Variants in HPSE2 observed in about 807,000 individuals in gnomAD.
HPSE2 encodes the protein inactive heparanase-2.
Under a neutral mutation model 60.5 loss-of-function variants are expected in HPSE2, and 38 were observed. The observed-to-expected ratio is 0.63, with a 90% CI of 0.48 to 0.82. The LOEUF is 0.82. Among genes scored for constraint, HPSE2 ranks in the 40% least tolerant of loss-of-function variants. The pLI is 0.00. For missense variants in HPSE2, 713 were observed against 740.4 expected (o/e 0.96, Z 0.43); for synonymous variants, 295 against 293.2 (o/e 1.01, Z -0.06).
At chr10:98,616,413 GA>G (rs1352073997) in intron 8 of HPSE2, among the ~76,000 whole-genome samples, 2 of 152,056 alleles carry the variant, frequency 1.3e-5, no homozygotes, top group Admixed American at 6.6e-5. Context: ...TAGATTCTCG[GA>G]ACTTTGAGAA....
At chr10:98,581,042 G>A in intron 9 of HPSE2, among the ~76,000 whole-genome samples, 1 of 151,332 alleles carries the variant, frequency 6.6e-6, no homozygotes. Context: ...CTGGGTTCAA[G>A]TGATTTTCTT....
intron 7 of HPSE2, among the ~76,000 whole-genome samples, chr10:98,634,262 C>T (rs1359286253): frequency 6.6e-6 from 1 of 152,208 alleles, no homozygotes; most frequent in East Asian, 1.9e-4. Context: ...GCATCCTTCC[C>T]TCCAACATGT....
At chr10:99,259,974 T>C in the HPSE2 span, among the ~76,000 whole-genome samples, 1 of 152,124 alleles carries the variant, frequency 6.6e-6, no homozygotes, top group Non-Finnish European at 1.5e-5. Flanking sequence ...CCTTCCCCCG[T>C]AGAAAAACTG....
At position 98,937,837 on chromosome 10, in the gene HPSE2, C is replaced by A. The variant is rs533826989; in HGVS notation, c.611-193781G>T. Among the ~76,000 whole-genome samples, 20 of 143,254 alleles carry A rather than the reference C, an allele frequency of 1.4e-4. No individual in the cohort carries two copies. In the South Asian group the frequency reaches 4.0e-3, roughly 29 times the overall value. The allele number at this position is 143,254 out of a possible 152,430, so 94.0% of individuals were successfully genotyped here. ...CAAGCAGCCTAACTGGGAGGCACCC[C>A]CCAGTAGGGGCAGACTGACACCTCA... is the stretch of plus-strand genomic sequence containing the variant. On this transcript the variant is annotated intron_variant, in intron 3 of 11. Coordinates refer to ENST00000370552, the MANE Select transcript of HPSE2 (RefSeq NM_021828.5).
At chr10:99,234,256 C>CCTCCACGTGGAAGGAGCG (rs1261031545) in intron 1 of HPSE2, among the ~76,000 whole-genome samples, 18 of 152,330 alleles carry the variant, frequency 1.2e-4, no homozygotes, top group South Asian at 2.1e-4. Context: ...GGCTACCTTT[C>CCTCCACGTGGAAGGAGCG]CTCCACGTGG....
intron 6 of HPSE2, among the ~76,000 whole-genome samples, chr10:98,655,825 G>A (rs1253815772): frequency 6.6e-6 from 1 of 152,136 alleles, no homozygotes; most frequent in Non-Finnish European, 1.5e-5. Context: ...AAAGGCACAT[G>A]TGATACACAT....
chr10:99,282,103 C>T, the HPSE2 span, among the ~76,000 whole-genome samples: 1 of 151,798 alleles, frequency 6.6e-6, no homozygotes, highest in Non-Finnish European at 1.5e-5. Context: ...ACTAAACATA[C>T]AAAAAATTAG....
intron 3 of HPSE2, among the ~76,000 whole-genome samples, chr10:98,953,852 TC>T (rs1312929079): frequency 6.6e-6 from 1 of 152,180 alleles, no homozygotes; most frequent in African/African-American, 2.4e-5. Context: ...AGCCTCAGCT[TC>T]TTCATCTTTA....
intron 3 of HPSE2, among the ~76,000 whole-genome samples, chr10:98,863,054 G>A (rs886361803): frequency 3.9e-5 from 6 of 152,168 alleles, no homozygotes; most frequent in African/African-American, 1.2e-4. Context: ...GTGAGCCACT[G>A]TGCAAGGCCA....
chr10:98,846,096 A>G (rs560260378), intron 3 of HPSE2, among the ~76,000 whole-genome samples: 1 of 152,186 alleles, frequency 6.6e-6, no homozygotes, highest in Non-Finnish European at 1.5e-5. Flanking sequence ...AGTTTTTGTC[A>G]TGACTGATTC....
At chr10:99,041,451 G>A (rs1214372196) in intron 3 of HPSE2, among the ~76,000 whole-genome samples, 2 of 152,066 alleles carry the variant, frequency 1.3e-5, no homozygotes, top group African/African-American at 2.4e-5. Context: ...TTGCAATCTT[G>A]GGTATGGGCA....
intron 5 of HPSE2, among the ~76,000 whole-genome samples, chr10:98,706,868 G>C (rs1378021707): frequency 1.3e-5 from 2 of 152,128 alleles, no homozygotes; most frequent in Non-Finnish European, 2.9e-5. Flanking sequence ...TACAAGTCCA[G>C]GTCCTATTTA....
At chr10:98,777,350 T>C (rs1255116380) in intron 3 of HPSE2, among the ~76,000 whole-genome samples, 1 of 152,198 alleles carries the variant, frequency 6.6e-6, no homozygotes, top group East Asian at 1.9e-4. Context: ...AAACCAGTCA[T>C]TTTGTTTTTT....
intron 9 of HPSE2, among the ~76,000 whole-genome samples, chr10:98,541,399 T>C (rs1297504533): frequency 6.6e-6 from 1 of 152,010 alleles, no homozygotes; most frequent in East Asian, 1.9e-4. Context: ...ACCCAGAAGA[T>C]GGGTGATTTC....
chr10:98,523,016 T>C (rs1942848067), intron 9 of HPSE2, among the ~76,000 whole-genome samples: 1 of 152,236 alleles, frequency 6.6e-6, no homozygotes, highest in South Asian at 2.1e-4. Context: ...TGCGGCTTAA[T>C]TCTTCCTATA....
intron 11 of HPSE2, among the ~76,000 whole-genome samples, chr10:98,463,029 T>G (rs1365613236): frequency 6.6e-6 from 1 of 151,890 alleles, no homozygotes; most frequent in Non-Finnish European, 1.5e-5. Flanking sequence ...AAGCTTGGAG[T>G]CTTCTGAGAC....
At chr10:98,883,009 A>T (rs1953067321) in intron 3 of HPSE2, among the ~76,000 whole-genome samples, 1 of 152,108 alleles carries the variant, frequency 6.6e-6, no homozygotes, top group African/African-American at 2.4e-5. Context: ...CCGCCCAAAC[A>T]TGTCCTGTGA....
intron 3 of HPSE2, among the ~76,000 whole-genome samples, chr10:99,130,790 A>G (rs1444192003): frequency 6.6e-6 from 1 of 152,204 alleles, no homozygotes; most frequent in Non-Finnish European, 1.5e-5. Context: ...TCAATCGGAC[A>G]AATTCCTGGA....
intron 3 of HPSE2, among the ~76,000 whole-genome samples, chr10:98,869,410 G>A (rs774439043): frequency 2.0e-5 from 3 of 152,086 alleles, no homozygotes; most frequent in Non-Finnish European, 4.4e-5. Flanking sequence ...TAGTTCTTAT[G>A]AAGTCAGACA....
Sources: allele counts gnomAD v4.1 joint callset (sites outside exome capture counted in the v4.1 genomes callset), GRCh38; gene constraint gnomAD v4.1.1; transcripts MANE v1.5; gene names NCBI Gene and HGNC (gene_info 2026-07-23, HGNC 2026-07-21).